The following PMF1 variants were observed in gnomAD, a reference collection of about 807,000 sequenced individuals.
The protein encoded by PMF1 is polyamine modulated factor 1.
PMF1 carries 21 observed loss-of-function variants against 26.7 expected under a neutral mutation model. That is an observed-to-expected ratio of 0.79 (90% CI 0.56 to 1.13). PMF1 has a LOEUF of 1.13. Among genes scored for constraint, PMF1 ranks in the 50% most tolerant of loss-of-function variants. The pLI, the probability that PMF1 is intolerant of heterozygous loss-of-function variation, is 0.00. For missense variants in PMF1, 266 were observed against 254.9 expected (o/e 1.04, Z -0.30); for synonymous variants, 105 against 101.0 (o/e 1.04, Z -0.24).
intron 1 of PMF1, among the ~76,000 whole-genome samples, chr1:156,216,248 G>T (rs1316553608): frequency 2.0e-5 from 3 of 151,820 alleles, no homozygotes; most frequent in Non-Finnish European, 2.9e-5. Flanking sequence ...AAAATTAGCC[G>T]GGCCTAGTGG....
chr1:156,235,854 C>T (rs1362249222), intron 3 of PMF1, among the ~76,000 whole-genome samples: 2 of 152,188 alleles, frequency 1.3e-5, no homozygotes, highest in African/African-American at 4.8e-5. Context: ...GGGGGCCTCC[C>T]ACAGTCTGGG....
At chr1:156,223,726 T>A (rs888936521) in intron 1 of PMF1, 1 of 152,326 alleles carries the variant, frequency 6.6e-6, no homozygotes, top group East Asian at 1.9e-4. Flanking sequence ...CTGAACTTAG[T>A]CCATGCTGCT....
chr1:156,227,432 A>G (rs1658426494), intron 1 of PMF1, among the ~76,000 whole-genome samples: 1 of 151,324 alleles, frequency 6.6e-6, no homozygotes, highest in African/African-American at 2.4e-5. Flanking sequence ...TGAACCCAGG[A>G]GGCGGAGGTT....
At chr1:156,235,081 CCTTAATA>C (rs1341988787) in intron 3 of PMF1, among the ~76,000 whole-genome samples, 2 of 151,890 alleles carry the variant, frequency 1.3e-5, no homozygotes, top group African/African-American at 2.4e-5. Flanking sequence ...TGCTCTGTGA[CCTTAATA>C]CTTAAGAGAA....
chr1:156,230,646 T>A (rs1658646328), intron 1 of PMF1, among the ~76,000 whole-genome samples: 1 of 152,184 alleles, frequency 6.6e-6, no homozygotes, highest in Non-Finnish European at 1.5e-5. Context: ...TTCATTTAAC[T>A]TGAGTTTGTC....
In PMF1 at chr1:156,238,882, G is replaced by GCCC. The variant is rs35970509; in HGVS notation, c.565-658_565-656dup. Among the ~76,000 whole-genome samples, 409 of 148,438 alleles carry GCCC rather than the reference G, an allele frequency of 2.8e-3. 2 individuals carry two copies. Among genetic ancestry groups the GCCC allele is most frequent in the African/African-American group, 9.8e-3 (393 of 40,202 alleles). ...AGGCGCGAAAGTGGTGGTGACAAAG[G>GCCC]CCCCCCCCCCAAGCCTGGTGCCATC... On this transcript the variant is annotated intron_variant, in intron 4 of 4. Coordinates refer to ENST00000368277, the MANE Select transcript of PMF1 (RefSeq NM_007221.4).
At chr1:156,232,133 A>G (rs1033452322) in intron 1 of PMF1, among the ~76,000 whole-genome samples, 187 bp from the exon 2 acceptor site, 10 of 152,194 alleles carry the variant, frequency 6.6e-5, no homozygotes, top group African/African-American at 2.4e-4. Context: ...CTGATGGGGC[A>G]TTGATGGGGT....
intron 3 of PMF1, 37 bp from the exon 4 acceptor site, chr1:156,236,251 G>A (rs755384941): frequency 1.8e-5 from 29 of 1,577,920 alleles, no homozygotes; most frequent in East Asian, 4.5e-5. Flanking sequence ...AGGGCCTTCC[G>A]CCTCCTTCAT....
chr1:156,233,774 A>C (rs1558196276), intron 3 of PMF1, 46 bp downstream of exon 3: 1 of 1,542,754 alleles, frequency 6.5e-7, no homozygotes. Flanking sequence ...AAGAGGCAGC[A>C]ATTAAGCTTT....
At chr1:156,236,558 C>T (rs930056272) in intron 4 of PMF1, 75 bp downstream of exon 4, 3 of 1,506,760 alleles carry the variant, frequency 2.0e-6, no homozygotes, top group Non-Finnish European at 2.7e-6. Flanking sequence ...GTGGCTTCCT[C>T]CATTCCAACA....
intron 1 of PMF1, among the ~76,000 whole-genome samples, chr1:156,214,490 T>C (rs565751884): frequency 1.8e-4 from 28 of 152,316 alleles, no homozygotes; most frequent in African/African-American, 5.3e-4. Flanking sequence ...CAGCTGGGGA[T>C]ACCATGAGGC....
chr1:156,225,510 CCCAG>C, intron 1 of PMF1: 1 of 1,179,788 alleles, frequency 8.5e-7, no homozygotes, highest in Non-Finnish European at 1.2e-6. Flanking sequence ...CCTTTGCATC[CCCAG>C]CTTCTGTTTG....
intron 1 of PMF1, among the ~76,000 whole-genome samples, chr1:156,215,904 G>A (rs1056460188): frequency 6.6e-6 from 1 of 152,092 alleles, no homozygotes; most frequent in African/African-American, 2.4e-5. Context: ...GGCCAGGCTG[G>A]TGTTGAACTC....
chr1:156,216,091 T>TA lies in PMF1; in HGVS notation c.161+2924dup, dbSNP rs202097257. ...CTTGGAGTAGACATTCTGGTACCAT[T>TA]AAAAAAAAATAAAATTGAGCCTGGC... On this transcript the variant is annotated intron_variant, in intron 1 of 4. Coordinates refer to ENST00000368277, the MANE Select transcript of PMF1 (RefSeq NM_007221.4). Among the ~76,000 whole-genome samples the TA allele has an allele frequency of 1.3e-3, 189 of 150,310 alleles. 1 individual carries two copies. The highest frequency in any genetic ancestry group is 4.4e-3 in the African/African-American group (179 of 41,032).
At chr1:156,226,936 CAGAG>C in intron 1 of PMF1, among the ~76,000 whole-genome samples, 1 of 152,144 alleles carries the variant, frequency 6.6e-6, no homozygotes, top group Non-Finnish European at 1.5e-5. Flanking sequence ...GGGGCCTTGG[CAGAG>C]AGGTTGCAGA....
chr1:156,217,823 T>G (rs1329495975), intron 1 of PMF1, among the ~76,000 whole-genome samples: 3 of 152,140 alleles, frequency 2.0e-5, no homozygotes, highest in African/African-American at 7.2e-5. Flanking sequence ...TTGATATGCA[T>G]CCACCACTTA....
intron 1 of PMF1, among the ~76,000 whole-genome samples, chr1:156,216,843 C>CCGGCCG (rs1558188659): frequency 6.6e-6 from 1 of 151,816 alleles, no homozygotes; most frequent in Non-Finnish European, 1.5e-5. Context: ...CCGGCCGGCC[C>CCGGCCG]GCCTCCGCTC....
chr1:156,224,572 C>G (rs2247937), intron 1 of PMF1, among the ~76,000 whole-genome samples: 1 of 151,714 alleles, frequency 6.6e-6, no homozygotes, highest in East Asian at 1.9e-4. Flanking sequence ...GTCAGGAGAC[C>G]GAGACCACGG....
At chr1:156,225,745 A>C in intron 1 of PMF1, 1 of 677,842 alleles carries the variant, frequency 1.5e-6, no homozygotes, top group Non-Finnish European at 2.6e-6. Context: ...TTATCTTTCC[A>C]TGCTGTCCTG....
Sources: allele counts gnomAD v4.1 joint callset (sites outside exome capture counted in the v4.1 genomes callset), GRCh38; gene constraint gnomAD v4.1.1; transcripts MANE v1.5; gene names NCBI Gene and HGNC (gene_info 2026-07-23, HGNC 2026-07-21).